The following ADAMTS9 variants were observed in gnomAD, a reference collection of about 807,000 sequenced individuals.
The protein encoded by ADAMTS9 is ADAM metallopeptidase with thrombospondin type 1 motif 9.
ADAMTS9 carries 107 observed loss-of-function variants against 257.1 expected under a neutral mutation model. The ratio of observed to expected loss-of-function variants is 0.42; its 90% CI spans 0.36 to 0.49. The LOEUF is 0.49. ADAMTS9 is among the 20% of genes least tolerant of loss of function. The pLI, the probability that ADAMTS9 is intolerant of heterozygous loss-of-function variation, is 0.03. For missense variants in ADAMTS9, 2,353 were observed against 2,469.1 expected (o/e 0.95, Z 1.00); for synonymous variants, 982 against 880.9 (o/e 1.11, Z -2.03).
chr3:64,619,045 C>G (rs1411381883), intron 19 of ADAMTS9, among the ~76,000 whole-genome samples: 1 of 152,142 alleles, frequency 6.6e-6, no homozygotes, highest in Non-Finnish European at 1.5e-5. Context: ...TATCTCCACC[C>G]TCAAATTGGT....
rs774230421 is a variant in ADAMTS9 at position 64,615,984 on chromosome 3, G to A, written c.3000C>T (p.Gly1000=). 11 of 1,613,468 alleles carry A rather than the reference G, an allele frequency of 6.8e-6. No homozygotes were observed. The highest frequency in any genetic ancestry group is 7.6e-6 in the Non-Finnish European group (9 of 1,179,968). The change falls in exon 20 of 40, where the codon GGC becomes GGT. Residue 1000 remains glycine (G), a synonymous_variant. Transcript: ENST00000498707. ...EKCSGECNTG[G]WRYSAWTECS... Reference sequence around the variant, plus strand: ...CTTCAGTCCAGGCAGAATAGCGCCAGCCACCCGTGTTACATTCCCCTGAGC... The same window carrying A: ...CTTCAGTCCAGGCAGAATAGCGCCAACCACCCGTGTTACATTCCCCTGAGC...
At position 64,686,993 on chromosome 3, in the gene ADAMTS9, G is replaced by A; in HGVS notation, c.116-25C>T. 1 of 1,587,610 alleles carries A rather than the reference G, an allele frequency of 6.3e-7. No individual in the cohort carries two copies. The highest frequency in any genetic ancestry group is 8.6e-7 in the Non-Finnish European group (1 of 1,167,972). ...ACTGCGGAGAGAAGCAGAGGTATAT[G>A]AACCAATAATTCATTTTTCCTTAAG... is the stretch of plus-strand genomic sequence containing the variant. On this transcript the variant is annotated intron_variant, in intron 1 of 39. Coordinates refer to ENST00000498707, the MANE Select transcript of ADAMTS9 (RefSeq NM_182920.2). The surrounding 1 kb of genome is among the most constrained non-coding windows in gnomAD (Gnocchi z 4.6).
At chr3:64,650,926 T>C (rs888569764) in intron 9 of ADAMTS9, 91 bp downstream of exon 9, 1 of 1,261,136 alleles carries the variant, frequency 7.9e-7, no homozygotes, top group Non-Finnish European at 1.1e-6. Context: ...TCAAAAGGAA[T>C]GTTTGACTTC....
At chr3:64,537,155 A>G (rs1031118907) in intron 37 of ADAMTS9, among the ~76,000 whole-genome samples, 1 of 152,218 alleles carries the variant, frequency 6.6e-6, no homozygotes, top group African/African-American at 2.4e-5. Context: ...ATGAGCTGGG[A>G]AAAAATACAA....
chr3:64,634,981 G>C (rs753841590), intron 12 of ADAMTS9, among the ~76,000 whole-genome samples: 5 of 152,140 alleles, frequency 3.3e-5, no homozygotes, highest in African/African-American at 4.8e-5. Flanking sequence ...TGTGGCCCTA[G>C]ACTAAGTTCT....
At chr3:64,518,623 A>G (rs971902022) in intron 39 of ADAMTS9, among the ~76,000 whole-genome samples, 1 of 152,132 alleles carries the variant, frequency 6.6e-6, no homozygotes, top group Non-Finnish European at 1.5e-5. Flanking sequence ...ATTTCTAACA[A>G]GTTCCTAGGT....
At chr3:64,665,509 G>T (rs181610278) in intron 3 of ADAMTS9, among the ~76,000 whole-genome samples, 2 of 152,334 alleles carry the variant, frequency 1.3e-5, no homozygotes, top group African/African-American at 2.4e-5. Context: ...AGGAACGAAT[G>T]AATAAATATC....
Position 64,686,463 on chromosome 3 carries a change from C to T in ADAMTS9, c.516+105G>A, listed in dbSNP as rs578169824. On this transcript the variant is annotated intron_variant, in intron 2 of 39. Transcript: ENST00000498707. The surrounding 1 kb of genome is among the most constrained non-coding windows in gnomAD (Gnocchi z 4.6). ...GCTGATATTTAACGCCGGAGAGGAG[C>T]GGAGCCTCGCCACAGTGAGGGTCTC... The T allele has an allele frequency of 2.9e-6, 4 of 1,394,748 alleles. No individual in the cohort carries two copies. The East Asian group carries it at 1.0e-4, about 35-fold the overall frequency. 86.4% of individuals were successfully genotyped at this position (1,394,748 alleles called of 1,614,324 possible).
chr3:64,639,061 T>C (rs1275157549), intron 12 of ADAMTS9, among the ~76,000 whole-genome samples: 1 of 152,072 alleles, frequency 6.6e-6, no homozygotes, highest in Non-Finnish European at 1.5e-5. Context: ...TTCTACATAA[T>C]GAACCATCTG....
In ADAMTS9 at chr3:64,518,763, C is replaced by CTTTTT. The variant is rs1491154708; in HGVS notation, c.*6-1643_*6-1642insAAAAA. 1.4e-4 allele frequency among the ~76,000 whole-genome samples: 12 copies of CTTTTT among 88,728 alleles called. 1 individual carries two copies. The highest frequency in any genetic ancestry group is 4.1e-4 in the Admixed American group (3 of 7,272). 58.2% of individuals were successfully genotyped at this position (88,728 alleles called of 152,430 possible). ...CCGAGGGAATTTATCATTACCTTTT[C>CTTTTT]ATTTTTTTTTTTTTTTTTTTTTTTT... On this transcript the variant is annotated intron_variant, in intron 39 of 39. Coordinates refer to ENST00000498707, the MANE Select transcript of ADAMTS9 (RefSeq NM_182920.2).
Position 64,649,745 on chromosome 3 carries a change from A to G in ADAMTS9, c.1497T>C (p.Pro499=). 1 of 1,613,996 alleles carries G rather than the reference A, an allele frequency of 6.2e-7. No individual in the cohort carries two copies. Among genetic ancestry groups the G allele is most frequent in the Non-Finnish European group, 8.5e-7 (1 of 1,179,952 alleles). ...TGYGECLLNE[P]ESRPYPLPVQ... ...CAGGCAAAGGGTAGGGTCTGGATTC[A>G]GGTTCGTTAAGCAAACACTCGCCAT... Residue 499 remains proline, a synonymous_variant, in exon 10 of 40, where the codon CCT becomes CCC. Transcript: ENST00000498707.
chr3:64,659,933 G>A (rs1477550123), intron 3 of ADAMTS9, among the ~76,000 whole-genome samples: 2 of 152,102 alleles, frequency 1.3e-5, no homozygotes, highest in Non-Finnish European at 2.9e-5. Flanking sequence ...AACTTAACTA[G>A]ATCCCCAGGT....
At chr3:64,532,291 C>T (rs1180024169) in intron 38 of ADAMTS9, among the ~76,000 whole-genome samples, 1 of 152,220 alleles carries the variant, frequency 6.6e-6, no homozygotes, top group Non-Finnish European at 1.5e-5. Context: ...ATTCAGAACA[C>T]TTGCATTAGC....
intron 28 of ADAMTS9, chr3:64,589,427 C>G (rs2084218712): frequency 6.6e-6 from 1 of 152,146 alleles, no homozygotes; most frequent in Non-Finnish European, 1.5e-5. Context: ...ATAGTCAGTA[C>G]CCTAACGACA....
intron 11 of ADAMTS9, among the ~76,000 whole-genome samples, chr3:64,642,282 C>G (rs1469732376): frequency 6.6e-6 from 1 of 152,112 alleles, no homozygotes; most frequent in East Asian, 1.9e-4. Flanking sequence ...AATTAGTTTA[C>G]TTGGAAAAAC....
intron 4 of ADAMTS9, 42 bp from the exon 5 acceptor site, chr3:64,655,917 G>A (rs1011979816): frequency 1.9e-5 from 25 of 1,317,606 alleles, no homozygotes; most frequent in Non-Finnish European, 2.3e-5. Context: ...TGTGAACTCC[G>A]TGTAAGCAAT....
At position 64,613,526 on chromosome 3, in the gene ADAMTS9, A is replaced by T. The variant is rs1441996629; in HGVS notation, c.3190-17T>A. ...GACCAAGCACTGTAATGAAAAGCGG[A>T]GCTAGTCAGGGTCATTTCTGATCAA... is the stretch of plus-strand genomic sequence containing the variant. On this transcript the variant is annotated splice_polypyrimidine_tract_variant and intron_variant, in intron 21 of 39. Transcript: ENST00000498707. 7 of 1,609,088 alleles carry T rather than the reference A, an allele frequency of 4.4e-6. No individual in the cohort carries two copies. The highest frequency in any genetic ancestry group is 2.7e-5 in the African/African-American group (2 of 74,840).
intron 26 of ADAMTS9, among the ~76,000 whole-genome samples, chr3:64,597,419 T>C (rs2084386430): frequency 6.6e-6 from 1 of 152,180 alleles, no homozygotes; most frequent in Admixed American, 6.5e-5. Context: ...GGAGGTCAAA[T>C]TACATGCCTA....
chr3:64,618,323 G>C (rs1700017237), intron 19 of ADAMTS9, among the ~76,000 whole-genome samples: 1 of 152,144 alleles, frequency 6.6e-6, no homozygotes, highest in Non-Finnish European at 1.5e-5. Flanking sequence ...TGCTGTCCTT[G>C]TTTGGTCTGA....
Sources: allele counts gnomAD v4.1 joint callset (sites outside exome capture counted in the v4.1 genomes callset), GRCh38; gene constraint gnomAD v4.1.1; non-coding constraint Gnocchi (gnomAD v3.1); transcripts MANE v1.5; gene names NCBI Gene and HGNC (gene_info 2026-07-23, HGNC 2026-07-21).